The following RASGEF1C variants were observed in gnomAD, a reference collection of about 807,000 sequenced individuals.
RASGEF1C encodes the protein ras-GEF domain-containing family member 1C.
In RASGEF1C, 27 loss-of-function variants were observed where a neutral mutation model predicts 58.1. The observed-to-expected ratio is 0.46, with a 90% CI of 0.34 to 0.64. The LOEUF (loss-of-function observed/expected upper bound fraction) is 0.64, where lower values mean the gene tolerates loss of function less well. Ranked by LOEUF, RASGEF1C falls within the 30% of genes least tolerant of loss-of-function variation. The probability of loss-of-function intolerance (pLI) is 0.01; values close to 1 mark genes in which losing one functional copy is unlikely to be tolerated. For synonymous variants in RASGEF1C, 243 were observed against 246.3 expected, an observed-to-expected ratio of 0.99 and a Z score of 0.13; for missense variants, 502 against 605.1, an observed-to-expected ratio of 0.83 and a Z score of 1.79.
chr5:180,186,649 C>A (rs1756047632), intron 1 of RASGEF1C, among the ~76,000 whole-genome samples: 1 of 152,174 alleles, frequency 6.6e-6, no homozygotes, highest in African/African-American at 2.4e-5. Context: ...AAAATTCCAA[C>A]AGCCTTTTTT....
chr5:180,118,260 G>C (rs911729034), intron 10 of RASGEF1C, among the ~76,000 whole-genome samples: 8 of 152,048 alleles, frequency 5.3e-5, no homozygotes, highest in Admixed American at 2.0e-4. Context: ...GGCAGGGCAG[G>C]TCTGGGGCCG....
At chr5:180,128,351 G>T in intron 5 of RASGEF1C, 59 bp downstream of exon 5, 1 of 1,470,952 alleles carries the variant, frequency 6.8e-7, no homozygotes, top group Non-Finnish European at 9.5e-7. Context: ...GGAGGGCACA[G>T]TGTATCTGTG....
intron 1 of RASGEF1C, among the ~76,000 whole-genome samples, chr5:180,157,758 A>G (rs1561746149): frequency 1.3e-5 from 2 of 152,226 alleles, no homozygotes; most frequent in Non-Finnish European, 2.9e-5. Context: ...ACATTCTGGA[A>G]CATGAACATT....
In RASGEF1C at chr5:180,196,740, C is replaced by T. The variant is rs573339368; in HGVS notation, c.-7+12288G>A. On this transcript the variant is annotated intron_variant, in intron 1 of 13. Coordinates refer to ENST00000361132, the MANE Select transcript of RASGEF1C (RefSeq NM_175062.4). ...TCCTGATGTTGATCATTTGTGCTTTCTCTTTTTTTGTCTTGCTTGGTCATG... is the reference window on the plus strand; with the variant it reads ...TCCTGATGTTGATCATTTGTGCTTTTTCTTTTTTTGTCTTGCTTGGTCATG... Among the ~76,000 whole-genome samples, 10 of 152,294 alleles carry T rather than the reference C, an allele frequency of 6.6e-5. No individual in the cohort carries two copies. In the South Asian group the frequency reaches 2.1e-3, roughly 32 times the overall value.
At chr5:180,202,916 A>C (rs1756420479) in intron 1 of RASGEF1C, among the ~76,000 whole-genome samples, 1 of 151,880 alleles carries the variant, frequency 6.6e-6, no homozygotes, top group Non-Finnish European at 1.5e-5. Context: ...GTTAGCCAGG[A>C]TGGTCTCGAT....
At chr5:180,103,623 C>T (rs1010136418) in intron 12 of RASGEF1C, among the ~76,000 whole-genome samples, 1 of 152,122 alleles carries the variant, frequency 6.6e-6, no homozygotes, top group Non-Finnish European at 1.5e-5. Context: ...TCATCATCTG[C>T]AAATAGGGAC....
rs1326911683 is a variant in RASGEF1C at position 180,166,826 on chromosome 5, T to C, written c.-6-28768A>G. Among the ~76,000 whole-genome samples, 5 of 152,212 alleles carry C rather than the reference T, an allele frequency of 3.3e-5. No individual in the cohort carries two copies. The East Asian group carries it at 9.6e-4, about 29-fold the overall frequency. On this transcript the variant is annotated intron_variant, in intron 1 of 13. Coordinates refer to ENST00000361132, the MANE Select transcript of RASGEF1C (RefSeq NM_175062.4). ...CCATTGCACCCAGCCCCGAAGAATA[T>C]TTTTAATAGATGTAGAGTTATGAGT...
chr5:180,151,525 A>T (rs1405450896), intron 1 of RASGEF1C, among the ~76,000 whole-genome samples: 1 of 151,948 alleles, frequency 6.6e-6, no homozygotes, highest in Non-Finnish European at 1.5e-5. Context: ...ATGTAGAAAG[A>T]TGAAACTGGA....
At chr5:180,101,664 G>T (rs1765787010) in intron 13 of RASGEF1C, 139 bp from the exon 14 acceptor site, 2 of 1,071,980 alleles carry the variant, frequency 1.9e-6, no homozygotes, top group African/African-American at 3.1e-5. Context: ...GCAAATCCCT[G>T]GGGCTCAGCC....
chr5:180,182,797 C>A (rs1767369053), intron 1 of RASGEF1C, among the ~76,000 whole-genome samples: 2 of 152,168 alleles, frequency 1.3e-5, no homozygotes, highest in African/African-American at 4.8e-5. Context: ...CCCACTGGAC[C>A]CAGGAAGTCC....
At chr5:180,136,867 G>A (rs867088976) in intron 3 of RASGEF1C, 17 of 267,412 alleles carry the variant, frequency 6.4e-5, no homozygotes, top group Admixed American at 4.5e-4. Context: ...ATACGCCATC[G>A]TGCACAGTGA....
rs114384321 is a variant in RASGEF1C, at chr5:180,137,796, C to T, written c.177+80G>A. ...TCCCAGCTGGCCCTGTACCCTGGCC[C>T]AAGGTCACGCCCAACCCTGATGCCC... On this transcript the variant is annotated intron_variant, in intron 2 of 13. Coordinates refer to ENST00000361132, the MANE Select transcript of RASGEF1C (RefSeq NM_175062.4). The surrounding 1 kb of genome is among the most constrained non-coding windows in gnomAD (Gnocchi z 4.1). 1.4e-4 allele frequency: 224 copies of T among 1,602,792 alleles called. No homozygotes were observed. The African/African-American group carries it at 2.8e-3, about 20-fold the overall frequency.
At chr5:180,108,408 A>G (rs1211424194) in intron 12 of RASGEF1C, among the ~76,000 whole-genome samples, 21 of 151,526 alleles carry the variant, frequency 1.4e-4, no homozygotes, top group Admixed American at 3.3e-4. Context: ...TCACCGTGTT[A>G]GCCAGGATGG....
chr5:180,165,196 G>C (rs769447124), intron 1 of RASGEF1C, among the ~76,000 whole-genome samples: 2 of 151,426 alleles, frequency 1.3e-5, no homozygotes, highest in Non-Finnish European at 2.9e-5. Flanking sequence ...CATAAAATTG[G>C]ATCTTTAAAA....
At chr5:180,196,356 C>G (rs1208779435) in intron 1 of RASGEF1C, among the ~76,000 whole-genome samples, 1 of 151,880 alleles carries the variant, frequency 6.6e-6, no homozygotes, top group African/African-American at 2.4e-5. Flanking sequence ...AAAAAATTAG[C>G]CAGGTGTCGT....
chr5:180,180,357 C>G lies in RASGEF1C; in HGVS notation c.-7+28671G>C, dbSNP rs116327850. On this transcript the variant is annotated intron_variant, in intron 1 of 13. Coordinates refer to ENST00000361132, the MANE Select transcript of RASGEF1C (RefSeq NM_175062.4). ...CCACAAAGCTGCCTCTTTCCTAAAG[C>G]CAGTGCCACCACTGCTGCTGTTTGA... Among the ~76,000 whole-genome samples the G allele has an allele frequency of 5.7e-3, 874 of 152,350 alleles. 10 individuals are homozygous for G. The highest frequency in any genetic ancestry group is 0.02 in the African/African-American group (838 of 41,578).
At chr5:180,118,999 G>T (rs907601944) in intron 8 of RASGEF1C, 133 bp from the exon 9 acceptor site, 16 of 805,984 alleles carry the variant, frequency 2.0e-5, no homozygotes, top group Non-Finnish European at 3.1e-5. Flanking sequence ...GTGGGTGGGT[G>T]AGGGGGTGCT....
At chr5:180,107,979 AG>A (rs1645793105) in intron 12 of RASGEF1C, among the ~76,000 whole-genome samples, 2 of 152,094 alleles carry the variant, frequency 1.3e-5, no homozygotes, top group South Asian at 2.1e-4. Context: ...GGGTCTTGGT[AG>A]GGGTTTCTTT....
chr5:180,117,379 A>G (rs1766086665), intron 10 of RASGEF1C, among the ~76,000 whole-genome samples: 1 of 152,180 alleles, frequency 6.6e-6, no homozygotes, highest in Non-Finnish European at 1.5e-5. Flanking sequence ...GTGCAATTCC[A>G]GGGGCACCTG....
Sources: gnomAD v4.1 joint callset for allele counts (sites outside exome capture counted in the v4.1 genomes callset) on GRCh38, gnomAD v4.1.1 for gene constraint, Gnocchi (gnomAD v3.1) non-coding constraint, MANE v1.5 for transcripts, NCBI Gene and HGNC (gene_info 2026-07-23, HGNC 2026-07-21) for gene names.